CDC42BPA: variants seen among roughly 807,000 people sequenced by gnomAD.
CDC42BPA encodes the protein CDC42 binding protein kinase alpha, also known as serine/threonine-protein kinase MRCK alpha.
In CDC42BPA, 80 loss-of-function variants were observed where a neutral mutation model predicts 223.5. The ratio of observed to expected loss-of-function variants is 0.36; its 90% CI spans 0.30 to 0.43. The LOEUF is 0.43. Ranked by LOEUF, CDC42BPA falls within the 20% of genes least tolerant of loss-of-function variation. The pLI, the probability that CDC42BPA is intolerant of heterozygous loss-of-function variation, is 1.00. For synonymous variants in CDC42BPA, 694 were observed against 718.6 expected (o/e 0.97, Z 0.55); for missense variants, 1,743 against 2,099.9 (o/e 0.83, Z 3.32).
At chr1:227,122,228 G>A (rs954903373) in intron 11 of CDC42BPA, among the ~76,000 whole-genome samples, 1 of 152,146 alleles carries the variant, frequency 6.6e-6, no homozygotes, top group East Asian at 1.9e-4. Flanking sequence ...CTAATCTTAT[G>A]GTTAAGGAAA....
chr1:227,141,275 A>C (rs372279961), intron 9 of CDC42BPA, among the ~76,000 whole-genome samples: 1 of 152,212 alleles, frequency 6.6e-6, no homozygotes, highest in East Asian at 1.9e-4. Flanking sequence ...AATTTTCTAT[A>C]ATGTAAAGCA....
At chr1:227,264,133 T>TTA (rs1415702991) in intron 1 of CDC42BPA, among the ~76,000 whole-genome samples, 1 of 152,198 alleles carries the variant, frequency 6.6e-6, no homozygotes, top group East Asian at 1.9e-4. Context: ...AATCCACAGG[T>TTA]TTATAGACTT....
intron 1 of CDC42BPA, among the ~76,000 whole-genome samples, chr1:227,277,244 T>TAC: frequency 6.6e-6 from 1 of 152,000 alleles, no homozygotes; most frequent in East Asian, 1.9e-4. Flanking sequence ...ACAGAGAACT[T>TAC]AAACAATCCT....
At chr1:227,023,239 C>T (rs1380985955) in intron 32 of CDC42BPA, 24 bp downstream of exon 32, 1 of 1,073,848 alleles carries the variant, frequency 9.3e-7, no homozygotes, top group South Asian at 1.4e-5. Flanking sequence ...GAAGCTATCC[C>T]TATGAATATA....
chr1:227,079,860 G>T (rs1303740960), intron 17 of CDC42BPA, among the ~76,000 whole-genome samples: 1 of 149,438 alleles, frequency 6.7e-6, no homozygotes, highest in Admixed American at 6.7e-5. Context: ...TGGATTTCAG[G>T]TTTTTTTTTT....
At chr1:227,299,612 T>G (rs1424286289) in intron 1 of CDC42BPA, among the ~76,000 whole-genome samples, 3 of 152,202 alleles carry the variant, frequency 2.0e-5, no homozygotes, top group Non-Finnish European at 1.5e-5. Context: ...ACATTAAATT[T>G]AGAAACTAAA....
chr1:227,158,645 A>G (rs1398639286), intron 6 of CDC42BPA, among the ~76,000 whole-genome samples: 5 of 152,144 alleles, frequency 3.3e-5, no homozygotes, highest in Non-Finnish European at 7.4e-5. Flanking sequence ...AGGTTGTTAG[A>G]GAGTAGGTCT....
intron 1 of CDC42BPA, among the ~76,000 whole-genome samples, chr1:227,263,266 C>T (rs1293832127): frequency 6.6e-6 from 1 of 152,060 alleles, no homozygotes; most frequent in Non-Finnish European, 1.5e-5. Flanking sequence ...CTTTCTCACA[C>T]AGAAAAGCTA....
rs114731356 is a variant in CDC42BPA, at chr1:227,186,907, C to T, written c.599+6879G>A. 6.0e-3 allele frequency among the ~76,000 whole-genome samples: 915 copies of T among 152,194 alleles called. 10 individuals carry two copies. Among genetic ancestry groups the T allele is most frequent in the African/African-American group, 0.021 (860 of 41,524 alleles). ...TTCCTGGAGTTTGTGATACAAAGAA[C>T]GAATGTATAGCTAACCAAGAGCTTC... On this transcript the variant is annotated intron_variant, in intron 5 of 36. Transcript: ENST00000366766.
At chr1:227,187,005 A>G (rs1668881238) in intron 5 of CDC42BPA, among the ~76,000 whole-genome samples, 1 of 152,212 alleles carries the variant, frequency 6.6e-6, no homozygotes, top group Admixed American at 6.5e-5. Flanking sequence ...ACCCACTTGT[A>G]ACACTGCTAA....
chr1:227,080,233 G>A (rs1345003506), intron 17 of CDC42BPA, among the ~76,000 whole-genome samples: 1 of 149,114 alleles, frequency 6.7e-6, no homozygotes, highest in African/African-American at 2.5e-5. Context: ...AAAAAGTTAA[G>A]TTACCTATTT....
Position 227,100,777 on chromosome 1 carries a change from T to TGTGTGTGTGTGC in CDC42BPA, c.2249+214_2249+215insGCACACACACAC, listed in dbSNP as rs777124731. Reference sequence around the variant, plus strand: ...GTGTGTGTGTGTGTGTGTGTGTGTGTGCGTGTGCCATCATACCCAGCTAGA... The same window carrying TGTGTGTGTGTGC: ...GTGTGTGTGTGTGTGTGTGTGTGTGTGTGTGTGTGTGCGCGTGTGCCATCATACCCAGCTAGA... On this transcript the variant is annotated intron_variant, in intron 15 of 36. Transcript: ENST00000366766. Among the ~76,000 whole-genome samples the TGTGTGTGTGTGC allele has an allele frequency of 6.2e-3, 801 of 128,576 alleles. 10 individuals are homozygous for TGTGTGTGTGTGC. The highest frequency in any genetic ancestry group is 0.021 in the African/African-American group (746 of 35,128). 84.4% of individuals were successfully genotyped at this position (128,576 alleles called of 152,430 possible).
At chr1:227,207,055 A>G (rs1428113119) in intron 3 of CDC42BPA, among the ~76,000 whole-genome samples, 1 of 146,120 alleles carries the variant, frequency 6.8e-6, no homozygotes, top group Non-Finnish European at 1.5e-5. Context: ...AGCATTAGGT[A>G]TATCTCCTAA....
chr1:227,151,430 G>C (rs970721617), intron 6 of CDC42BPA, among the ~76,000 whole-genome samples: 1 of 152,082 alleles, frequency 6.6e-6, no homozygotes, highest in African/African-American at 2.4e-5. Flanking sequence ...GAACAATGCT[G>C]CTCTAAAAAT....
chr1:227,271,738 A>G (rs1034374145), intron 1 of CDC42BPA, among the ~76,000 whole-genome samples: 2 of 152,162 alleles, frequency 1.3e-5, no homozygotes, highest in African/African-American at 4.8e-5. Flanking sequence ...TCATGTATTT[A>G]ACTCTTTACT....
At chr1:227,100,738 T>C (rs765120582) in intron 15 of CDC42BPA, among the ~76,000 whole-genome samples, 5 of 93,892 alleles carry the variant, frequency 5.3e-5, no homozygotes, top group Non-Finnish European at 1.2e-4. Flanking sequence ...TCTGCCATCA[T>C]ACCCAGCTAG....
At chr1:227,218,967 T>C (rs1675360441) in intron 2 of CDC42BPA, among the ~76,000 whole-genome samples, 1 of 152,140 alleles carries the variant, frequency 6.6e-6, no homozygotes, top group South Asian at 2.1e-4. Context: ...CAAAATACTT[T>C]AAAATTGGGA....
chr1:227,112,997 CAAG>C, intron 12 of CDC42BPA, 84 bp from the exon 13 acceptor site: 9 of 1,264,110 alleles, frequency 7.1e-6, no homozygotes, highest in Middle Eastern at 1.9e-4. Flanking sequence ...ATCATTAAGT[CAAG>C]AAGAGCCAAA....
At chr1:227,044,300 T>C (rs918287901) in intron 23 of CDC42BPA, among the ~76,000 whole-genome samples, 5 of 152,196 alleles carry the variant, frequency 3.3e-5, no homozygotes, top group Non-Finnish European at 7.3e-5. Context: ...CATCATCTGT[T>C]AACAATGCTT....
Sources: gnomAD v4.1 joint callset for allele counts (sites outside exome capture counted in the v4.1 genomes callset) on GRCh38, gnomAD v4.1.1 for gene constraint, MANE v1.5 for transcripts, NCBI Gene and HGNC (gene_info 2026-07-23, HGNC 2026-07-21) for gene names.